RC3H2: variants seen among roughly 807,000 people sequenced by gnomAD.
The protein encoded by RC3H2 is ring finger and CCCH-type domains 2, also known as roquin-2.
In RC3H2, 31 loss-of-function variants were observed where a neutral mutation model predicts 133.3. The ratio of observed to expected loss-of-function variants is 0.23; its 90% confidence interval spans 0.17 to 0.31. The LOEUF is 0.31. Ranked by LOEUF, RC3H2 falls within the 10% of genes least tolerant of loss-of-function variation. The pLI is 1.00. For synonymous variants in RC3H2, 517 were observed against 502.2 expected (o/e 1.03, Z -0.40); for missense variants, 1,175 against 1,437.2 (o/e 0.82, Z 2.95).
At chr9:122,886,927 T>C (rs1255795981) in intron 4 of RC3H2, among the ~76,000 whole-genome samples, 1 of 152,232 alleles carries the variant, frequency 6.6e-6, no homozygotes, top group Non-Finnish European at 1.5e-5. Flanking sequence ...TAGTGCTTCT[T>C]AAAGTAAACA....
In RC3H2 at chr9:122,868,876, TGTGTGTGTGTGTGTATG is replaced by T. The variant is rs1830907428; in HGVS notation, c.1326-3236_1326-3220del. Among the ~76,000 whole-genome samples, 5 of 23,398 alleles carry T rather than the reference TGTGTGTGTGTGTGTATG, an allele frequency of 2.1e-4. No homozygotes were observed. The South Asian group carries it at 7.4e-3, about 34-fold the overall frequency. The allele number at this position is 23,398 out of a possible 152,430, so 15.3% of individuals were successfully genotyped here. On this transcript the variant is annotated intron_variant, in intron 9 of 20. Transcript: ENST00000357244. ...GTGTGTGTGTGTGTGTGTGTGTGTG[TGTGTGTGTGTGTGTATG>T]TGTTTTTTTTTTTTTTTTTTGTGGG...
intron 9 of RC3H2, among the ~76,000 whole-genome samples, chr9:122,866,589 T>G (rs1354422312): frequency 6.6e-6 from 1 of 152,112 alleles, no homozygotes; most frequent in Non-Finnish European, 1.5e-5. Flanking sequence ...ATTTTTTTGG[T>G]GAAGACGGGG....
At chr9:122,881,869 C>T (rs2131465245) in intron 5 of RC3H2, among the ~76,000 whole-genome samples, 1 of 152,244 alleles carries the variant, frequency 6.6e-6, no homozygotes, top group South Asian at 2.1e-4. Flanking sequence ...CAGATTTATG[C>T]TTTAAAAAAC....
rs1832806967 is a variant in RC3H2, at chr9:122,905,324, T to TC, written c.-283dup. ...TCCCTCCACCTCCGCCTCCTCCTCC[T>TC]CCTCCTCCTCACCACGGAGGCGGAC... On this transcript the variant is annotated 5_prime_UTR_variant, in exon 1 of 21. Transcript: ENST00000357244. 3.1e-6 allele frequency: 3 copies of TC among 981,468 alleles called. No homozygotes were observed. The highest frequency in any genetic ancestry group is 3.6e-6 in the Non-Finnish European group (3 of 826,260). 60.8% of individuals were successfully genotyped at this position (981,468 alleles called of 1,614,324 possible). A position where few individuals can be genotyped will look rare whatever the true frequency, so the allele number is the denominator to read the frequency against.
At chr9:122,891,059 G>A (rs532998173) in intron 3 of RC3H2, among the ~76,000 whole-genome samples, 7 of 113,582 alleles carry the variant, frequency 6.2e-5, no homozygotes, top group Non-Finnish European at 1.1e-4. Context: ...TCACTCTGTC[G>A]CCCAGGCTGG....
chr9:122,854,770 G>A (rs191352688), intron 15 of RC3H2, among the ~76,000 whole-genome samples, 155 bp from the exon 16 acceptor site: 1 of 152,146 alleles, frequency 6.6e-6, no homozygotes, highest in South Asian at 2.1e-4. Flanking sequence ...TTGTTAAATG[G>A]AGGGAAATGT....
chr9:122,859,759 T>G (rs1463000910), intron 11 of RC3H2, among the ~76,000 whole-genome samples, 158 bp downstream of exon 11: 1 of 152,206 alleles, frequency 6.6e-6, no homozygotes, highest in Non-Finnish European at 1.5e-5. Flanking sequence ...CTTAAAGCTG[T>G]ATTTAGAAGC....
chr9:122,865,618 T>C lies in RC3H2; in HGVS notation c.1365A>G (p.Arg455=), dbSNP rs774885339. 1.9e-6 allele frequency: 3 copies of C among 1,613,782 alleles called. No homozygotes were observed. The highest frequency in any genetic ancestry group is 1.7e-5 in the Admixed American group (1 of 60,026). ...LRNKKINATV[R]TFPLLNKVGV... ...CAACTTTATTTAGAAGAGGAAACGT[T>C]CTTACAGTGGCATTGATCTTTTTGT... Residue 455 remains arginine (R), a synonymous_variant, in exon 10 of 21, where the codon AGA becomes AGG. Coordinates refer to ENST00000357244, the MANE Select transcript of RC3H2 (RefSeq NM_001100588.3).
chr9:122,902,813 T>C (rs556981797), intron 1 of RC3H2, among the ~76,000 whole-genome samples: 3 of 145,690 alleles, frequency 2.1e-5, no homozygotes, highest in African/African-American at 7.7e-5. Context: ...ATGGTGCCAC[T>C]GCACTCCAGC....
At chr9:122,880,923 A>G in intron 5 of RC3H2, 129 bp from the exon 6 acceptor site, 1 of 669,170 alleles carries the variant, frequency 1.5e-6, no homozygotes, top group South Asian at 1.8e-5. Flanking sequence ...AGGTACAAAG[A>G]TAAGATAATG....
chr9:122,852,689 G>T, intron 18 of RC3H2, among the ~76,000 whole-genome samples: 1 of 148,784 alleles, frequency 6.7e-6, no homozygotes, highest in South Asian at 2.1e-4. Flanking sequence ...GGGCGCCTCT[G>T]CCCTGCCGCC....
chr9:122,859,592 C>A (rs1386827475), intron 11 of RC3H2, among the ~76,000 whole-genome samples: 1 of 152,070 alleles, frequency 6.6e-6, no homozygotes, highest in Admixed American at 6.6e-5. Context: ...ACGTTAAAGA[C>A]CTCTTTCAAA....
At chr9:122,851,758 C>G (rs1186850853) in intron 18 of RC3H2, among the ~76,000 whole-genome samples, 1 of 152,240 alleles carries the variant, frequency 6.6e-6, no homozygotes, top group African/African-American at 2.4e-5. Flanking sequence ...CTCGGCCTCC[C>G]GAGGTGCCGG....
intron 10 of RC3H2, among the ~76,000 whole-genome samples, chr9:122,862,966 G>A (rs1830515164): frequency 6.6e-6 from 1 of 151,174 alleles, no homozygotes; most frequent in Non-Finnish European, 1.5e-5. Flanking sequence ...CATTATTTTA[G>A]GGTGTACAAT....
intron 12 of RC3H2, 104 bp from the exon 13 acceptor site, chr9:122,858,197 A>G: frequency 9.2e-7 from 1 of 1,086,284 alleles, no homozygotes; most frequent in Non-Finnish European, 1.3e-6. Flanking sequence ...TGGGATAAAA[A>G]AATACAGCAG....
At position 122,863,975 on chromosome 9, in the gene RC3H2, G is replaced by A. The variant is rs554571200; in HGVS notation, c.1634+1374C>T. Among the ~76,000 whole-genome samples, 7 of 152,306 alleles carry A rather than the reference G, an allele frequency of 4.6e-5. No individual in the cohort carries two copies. The South Asian group carries it at 1.4e-3, about 32-fold the overall frequency. Reference sequence around the variant, plus strand: ...TGGTCTTGAACGCCCAACCTCAGGTGATCTGCCCACCTCGGCCTCCCAAAG... The same window carrying A: ...TGGTCTTGAACGCCCAACCTCAGGTAATCTGCCCACCTCGGCCTCCCAAAG... On this transcript the variant is annotated intron_variant, in intron 10 of 20. Transcript: ENST00000357244.
rs1829851643 is a variant in RC3H2, at chr9:122,845,571, C to T, written c.*4056G>A. The T allele has an allele frequency of 6.6e-6, 1 of 152,106 alleles. No homozygotes were observed. Among genetic ancestry groups the T allele is most frequent in the Non-Finnish European group, 1.5e-5 (1 of 68,020 alleles). 9.4% of individuals were successfully genotyped at this position (152,106 alleles called of 1,614,324 possible). On this transcript the variant is annotated 3_prime_UTR_variant, in exon 21 of 21. Transcript: ENST00000357244. ...AAAAGAAAAAACTGCCAATTTTAGA[C>T]TAGAAGGGAATAACTGCTCTTGGAG...
rs191285569 is a variant in RC3H2 at position 122,875,135 on chromosome 9, G to A, written c.1325+2336C>T. On this transcript the variant is annotated intron_variant, in intron 9 of 20. Coordinates refer to ENST00000357244, the MANE Select transcript of RC3H2 (RefSeq NM_001100588.3). ...GAAATTCTGTATATAGAACTAGTTC[G>A]ATTGGGTACAAACAGCATCTTTTTT... 1.4e-4 allele frequency: 204 copies of A among 1,505,180 alleles called. No individual in the cohort carries two copies. In the African/African-American group the frequency reaches 2.2e-3, roughly 17 times the overall value. 93.2% of individuals were successfully genotyped at this position (1,505,180 alleles called of 1,614,324 possible).
intron 3 of RC3H2, among the ~76,000 whole-genome samples, chr9:122,892,627 A>C (rs1027968946): frequency 2.6e-5 from 4 of 152,116 alleles, no homozygotes; most frequent in Admixed American, 2.0e-4. Flanking sequence ...TAGCCAGGAT[A>C]GTCTCGATCT....
Sources: gnomAD v4.1 joint callset for allele counts (sites outside exome capture counted in the v4.1 genomes callset) on GRCh38, gnomAD v4.1.1 for gene constraint, MANE v1.5 for transcripts, NCBI Gene and HGNC (gene_info 2026-07-23, HGNC 2026-07-21) for gene names.